LARGE1: variants seen among roughly 807,000 people sequenced by gnomAD.
LARGE1 encodes LARGE xylosyl- and glucuronyltransferase 1.
LARGE1 carries 43 observed loss-of-function variants against 87.6 expected under a neutral mutation model. The ratio of observed to expected loss-of-function variants is 0.49; its 90% CI spans 0.38 to 0.63. LARGE1 has a LOEUF of 0.63. Ranked by LOEUF, LARGE1 falls within the 30% of genes least tolerant of loss-of-function variation. LARGE1 has a pLI of 0.00. For synonymous variants in LARGE1, 434 were observed against 394.6 expected, an observed-to-expected ratio of 1.10 and a Z score of -1.18; for missense variants, 802 against 1,000.2, an observed-to-expected ratio of 0.80 and a Z score of 2.67.
intron 1 of LARGE1, among the ~76,000 whole-genome samples, chr22:33,862,208 C>G (rs1261832719): frequency 6.6e-6 from 1 of 152,100 alleles, no homozygotes; most frequent in South Asian, 2.1e-4. Context: ...CTCGAGAGCT[C>G]ACGGCAAGTG....
intron 11 of LARGE1, among the ~76,000 whole-genome samples, chr22:33,210,871 C>T (rs1339932142): frequency 6.6e-6 from 1 of 152,194 alleles, no homozygotes; most frequent in Non-Finnish European, 1.5e-5. Context: ...GTCATTGCCC[C>T]GGGGCCTTGC....
chr22:33,353,776 A>G (rs993719543), intron 9 of LARGE1, among the ~76,000 whole-genome samples: 2 of 152,244 alleles, frequency 1.3e-5, no homozygotes, highest in South Asian at 2.1e-4. Context: ...TTAGAGGTAC[A>G]GTGCTTTAAC....
chr22:33,348,010 T>C (rs1379632451), intron 9 of LARGE1, among the ~76,000 whole-genome samples: 1 of 151,976 alleles, frequency 6.6e-6, no homozygotes, highest in African/African-American at 2.4e-5. Flanking sequence ...AGATTTTAAA[T>C]ATGGGGCTGC....
At chr22:33,871,355 A>G (rs890231849) in intron 1 of LARGE1, among the ~76,000 whole-genome samples, 4 of 152,194 alleles carry the variant, frequency 2.6e-5, no homozygotes, top group Non-Finnish European at 5.9e-5. Context: ...GTAAGCATTT[A>G]ATGAGCACAT....
At chr22:33,775,261 T>C (rs1248402955) in intron 1 of LARGE1, among the ~76,000 whole-genome samples, 1 of 152,216 alleles carries the variant, frequency 6.6e-6, no homozygotes, top group Non-Finnish European at 1.5e-5. Flanking sequence ...TTGAATGTGC[T>C]TCTCTCAATT....
intron 6 of LARGE1, among the ~76,000 whole-genome samples, chr22:33,441,260 G>C (rs1250086727): frequency 6.6e-6 from 1 of 151,676 alleles, no homozygotes; most frequent in Non-Finnish European, 1.5e-5. Context: ...TTTTAGTAGA[G>C]ACGAGATTTC....
chr22:33,878,922 C>A (rs147623955), intron 1 of LARGE1, among the ~76,000 whole-genome samples: 1 of 151,674 alleles, frequency 6.6e-6, no homozygotes, highest in South Asian at 2.1e-4. Flanking sequence ...TATTCAGATG[C>A]TTTCAATACT....
intron 6 of LARGE1, among the ~76,000 whole-genome samples, chr22:33,437,352 G>T (rs985113294): frequency 1.3e-5 from 2 of 152,140 alleles, no homozygotes; most frequent in Non-Finnish European, 2.9e-5. Flanking sequence ...AGACGCCTGG[G>T]CTCAAATCCT....
At chr22:33,219,904 C>A (rs1048817695) in intron 11 of LARGE1, among the ~76,000 whole-genome samples, 4 of 152,146 alleles carry the variant, frequency 2.6e-5, no homozygotes, top group South Asian at 4.1e-4. Context: ...TTGTTCCCAA[C>A]AATTTCTCTC....
intron 6 of LARGE1, among the ~76,000 whole-genome samples, chr22:33,453,791 T>C (rs915650528): frequency 2.6e-5 from 4 of 152,188 alleles, no homozygotes; most frequent in Non-Finnish European, 5.9e-5. Flanking sequence ...GAGATCTGGG[T>C]TCTCTCATAA....
chr22:33,274,393 A>G lies in LARGE1; in HGVS notation c.*34T>C. On this transcript the variant is annotated 3_prime_UTR_variant, in exon 15 of 15. Transcript: ENST00000397394. ...AAACAGCGAGTGGCACTTCCCCTAC[A>G]GCATGTCTCCCCCTAGTGGTGGGCT... 1.9e-6 allele frequency: 3 copies of G among 1,607,432 alleles called. No homozygotes were observed. The highest frequency in any genetic ancestry group is 2.6e-6 in the Non-Finnish European group (3 of 1,173,850).
intron 6 of LARGE1, among the ~76,000 whole-genome samples, chr22:33,557,515 A>C (rs1345079892): frequency 2.0e-5 from 3 of 152,174 alleles, no homozygotes; most frequent in Non-Finnish European, 4.4e-5. Context: ...CAAAACCATG[A>C]AAACTGGTAG....
chr22:33,104,788 C>G, the LARGE1 span, among the ~76,000 whole-genome samples: 1 of 152,154 alleles, frequency 6.6e-6, no homozygotes, highest in African/African-American at 2.4e-5. Context: ...CAAGACCCAG[C>G]CCAAGGCTCC....
intron 2 of LARGE1, among the ~76,000 whole-genome samples, chr22:33,657,629 T>C (rs902148246): frequency 1.3e-5 from 2 of 152,090 alleles, no homozygotes; most frequent in South Asian, 2.1e-4. Context: ...CCATAGATTA[T>C]GGATCCTGTC....
At chr22:33,149,470 A>T in the LARGE1 span, among the ~76,000 whole-genome samples, 2 of 152,210 alleles carry the variant, frequency 1.3e-5, no homozygotes, top group Non-Finnish European at 2.9e-5. Context: ...AACCTAGGTC[A>T]TAAAGGTTTT....
chr22:33,505,699 CTG>C (rs1266502366), intron 6 of LARGE1, among the ~76,000 whole-genome samples: 1 of 152,172 alleles, frequency 6.6e-6, no homozygotes, highest in Non-Finnish European at 1.5e-5. Context: ...ACTGGGGAGT[CTG>C]TGCACAGGCT....
rs577632731 is a variant in LARGE1 at position 33,423,605 on chromosome 22, C to T, written c.892+8556G>A. ...TGAGGCGCGGGAATGGCTTGAACCCCGGAGACGAAGGTTGCAGTGAGCAGA... is the reference window on the plus strand; with the variant it reads ...TGAGGCGCGGGAATGGCTTGAACCCTGGAGACGAAGGTTGCAGTGAGCAGA... On this transcript the variant is annotated intron_variant, in intron 7 of 14. Coordinates refer to ENST00000397394, the MANE Select transcript of LARGE1 (RefSeq NM_133642.5). Among the ~76,000 whole-genome samples the T allele has an allele frequency of 2.6e-4, 39 of 149,208 alleles. No individual in the cohort carries two copies. The East Asian group carries it at 4.1e-3, about 16-fold the overall frequency.
rs56262703 is a variant in LARGE1 at position 33,183,620 on chromosome 22, G to GCACA, written c.1731-16792_1731-16789dup. Among the ~76,000 whole-genome samples, 475 of 137,902 alleles carry GCACA rather than the reference G, an allele frequency of 3.4e-3. 3 individuals carry two copies. The highest frequency in any genetic ancestry group is 8.7e-3 in the East Asian group (40 of 4,578). The allele number at this position is 137,902 out of a possible 152,430, so 90.5% of individuals were successfully genotyped here. On this transcript the variant is annotated intron_variant, in intron 11 of 11. Coordinates refer to the LARGE1 transcript ENST00000608642. ...GGATAAAACACACACACACACACAC[G>GCACA]CACACACACACACACACACACACAC...
At chr22:33,195,325 A>G (rs73881989) in intron 11 of LARGE1, among the ~76,000 whole-genome samples, 4,602 of 152,320 alleles carry the variant, frequency 0.03, 96 homozygotes, top group Admixed American at 0.057. Flanking sequence ...ATTATGAACT[A>G]TTCTGAACTA....
Sources: allele counts gnomAD v4.1 joint callset (sites outside exome capture counted in the v4.1 genomes callset), GRCh38; gene constraint gnomAD v4.1.1; transcripts MANE v1.5; gene names NCBI Gene and HGNC (gene_info 2026-07-23, HGNC 2026-07-21).